The following SH3D21 variants were observed in gnomAD, a reference collection of about 807,000 sequenced individuals.
The protein encoded by SH3D21 is manchette microtubule inner protein 1.
A neutral mutation model predicts 82.1 loss-of-function variants in SH3D21; 83 were observed. The observed-to-expected ratio is 1.01, with a 90% CI of 0.85 to 1.21. SH3D21 has a LOEUF of 1.21. SH3D21 is among the 50% of genes most tolerant of loss of function. The pLI, the probability that SH3D21 is intolerant of heterozygous loss-of-function variation, is 0.00. For missense variants in SH3D21, 980 were observed against 962.1 expected, an observed-to-expected ratio of 1.02 and a Z score of -0.25; for synonymous variants, 383 against 387.8, an observed-to-expected ratio of 0.99 and a Z score of 0.15.
rs551515201 is a variant in SH3D21 at position 36,321,034 on chromosome 1, T to G, written c.2200-22T>G. 6.2e-7 allele frequency: 1 copy of G among 1,605,114 alleles called. No homozygotes were observed. Among genetic ancestry groups the G allele is most frequent in the Admixed American group, 1.7e-5 (1 of 59,164 alleles). On this transcript the variant is annotated intron_variant, in intron 15 of 15. Coordinates refer to ENST00000453908, the MANE Select transcript of SH3D21 (RefSeq NM_001162530.2). The surrounding 1 kb of genome is among the most constrained non-coding windows in gnomAD (Gnocchi z 6.1). Reference sequence around the variant, plus strand: ...GACGGCGAGTGGCCCCCTGACAAAGTCTCCACCTCACTCCCGACCAGGTCC... The same window carrying G: ...GACGGCGAGTGGCCCCCTGACAAAGGCTCCACCTCACTCCCGACCAGGTCC...
In SH3D21 at chr1:36,320,989, G is replaced by C; in HGVS notation, c.2199+11G>C. 6.4e-7 allele frequency: 1 copy of C among 1,571,106 alleles called. No homozygotes were observed. Among genetic ancestry groups the C allele is most frequent in the East Asian group, 2.4e-5 (1 of 42,538 alleles). On this transcript the variant is annotated intron_variant, in intron 15 of 15. Coordinates refer to ENST00000453908, the MANE Select transcript of SH3D21 (RefSeq NM_001162530.2). ...CGCCGGCGGCTGGAGGTGAGGCGCGGGTCCCGGCGGGAGGGGGCTGACGGC... is the reference window on the plus strand; with the variant it reads ...CGCCGGCGGCTGGAGGTGAGGCGCGCGTCCCGGCGGGAGGGGGCTGACGGC...
chr1:36,328,389 G>A (rs1425899667), downstream of SH3D21: 3 of 345,158 alleles, frequency 8.7e-6, no homozygotes, highest in South Asian at 2.2e-5. Context: ...GAGACTCACC[G>A]GGGGCCTCCT....
At chr1:36,318,238 AG>A in intron 10 of SH3D21, among the ~76,000 whole-genome samples, 1 of 152,264 alleles carries the variant, frequency 6.6e-6, no homozygotes, top group South Asian at 2.1e-4. Flanking sequence ...CTGTGGGGAA[AG>A]GGGTAGGTTC....
chr1:36,309,933 T>C (rs761991761), intron 10 of SH3D21, among the ~76,000 whole-genome samples: 14 of 152,150 alleles, frequency 9.2e-5, no homozygotes, highest in Non-Finnish European at 2.1e-4. Context: ...TGTGTGTCTG[T>C]GGGATGTCTT....
downstream of SH3D21, chr1:36,322,984 G>A (rs1221906642): frequency 6.2e-7 from 1 of 1,605,860 alleles, no homozygotes; most frequent in Admixed American, 1.7e-5. Context: ...GGATGTGCGC[G>A]TAGGCAGCCA....
downstream of SH3D21, chr1:36,322,350 G>A (rs1646478234): frequency 3.2e-6 from 5 of 1,582,862 alleles, no homozygotes; most frequent in East Asian, 2.3e-5. Flanking sequence ...GGGCCCCAGC[G>A]TGCCTGTGCC....
downstream of SH3D21, chr1:36,328,377 G>A (rs1021108127): frequency 3.4e-5 from 12 of 348,688 alleles, no homozygotes; most frequent in Non-Finnish European, 6.8e-5. Context: ...GGAGGGAAGA[G>A]GGAGACTCAC....
In SH3D21 at chr1:36,320,966, C is replaced by G; in HGVS notation, c.2187C>G (p.Arg729=). 5 of 1,571,034 alleles carry G rather than the reference C, an allele frequency of 3.2e-6. No homozygotes were observed. The highest frequency in any genetic ancestry group is 4.3e-6 in the Non-Finnish European group (5 of 1,158,310). Reference sequence around the variant, plus strand: ...AGCTGAAGAGCGAGAAGGAGCAGCGCCGGCGGCTGGAGGTGAGGCGCGGGT... The same window carrying G: ...AGCTGAAGAGCGAGAAGGAGCAGCGGCGGCGGCTGGAGGTGAGGCGCGGGT... The part of the protein sequence containing the change: ...WEELKSEKEQ[R]RRLEVQVMQG... Residue 729 remains arginine (R), a synonymous_variant, in exon 15 of 16, where the codon CGC becomes CGG. Coordinates refer to ENST00000453908, the MANE Select transcript of SH3D21 (RefSeq NM_001162530.2).
downstream of SH3D21, among the ~76,000 whole-genome samples, chr1:36,326,356 C>T (rs1646545393): frequency 1.3e-5 from 2 of 151,946 alleles, no homozygotes; most frequent in South Asian, 2.1e-4. Context: ...CTCAGCCTCC[C>T]GAGTAGCTGG....
intron 10 of SH3D21, among the ~76,000 whole-genome samples, chr1:36,316,344 C>T (rs1167463490): frequency 2.0e-5 from 3 of 152,216 alleles, no homozygotes; most frequent in Non-Finnish European, 2.9e-5. Context: ...AAGCAATTCT[C>T]GTGCTTCAGC....
Position 36,317,633 on chromosome 1 carries a change from G to T in SH3D21, c.770-1438G>T, listed in dbSNP as rs545496561. On this transcript the variant is annotated intron_variant, in intron 10 of 15. Coordinates refer to ENST00000453908, the MANE Select transcript of SH3D21 (RefSeq NM_001162530.2). ...GCTGGAGTCCAGTGGCGCGATCTTGGCTCACTGTAACCTCTGCCCTCCCAG... is the reference window on the plus strand; with the variant it reads ...GCTGGAGTCCAGTGGCGCGATCTTGTCTCACTGTAACCTCTGCCCTCCCAG... 3.9e-5 allele frequency among the ~76,000 whole-genome samples: 6 copies of T among 152,238 alleles called. No homozygotes were observed. The South Asian group carries it at 1.2e-3, about 32-fold the overall frequency.
In SH3D21 at chr1:36,320,942, G is replaced by A. The variant is rs1231435302; in HGVS notation, c.2163G>A (p.Glu721=). 3 of 1,568,238 alleles carry A rather than the reference G, an allele frequency of 1.9e-6. No individual in the cohort carries two copies. Among genetic ancestry groups the A allele is most frequent in the Admixed American group, 1.9e-5 (1 of 52,148 alleles). ...LERKLTDIWE[E]LKSEKEQRRR... ...GGAAGCTGACCGACATCTGGGAGGA[G>A]CTGAAGAGCGAGAAGGAGCAGCGCC... is the stretch of plus-strand genomic sequence containing the variant. Residue 721 remains glutamate, a synonymous_variant, in exon 15 of 16, where the codon GAG becomes GAA. Transcript: ENST00000453908.
chr1:36,326,263 C>T (rs1266923968), downstream of SH3D21, among the ~76,000 whole-genome samples: 2 of 145,918 alleles, frequency 1.4e-5, no homozygotes, highest in Non-Finnish European at 1.5e-5. Context: ...CGGAGTTTCA[C>T]TCTTGTTGCC....
At chr1:36,312,258 C>T (rs2124680898) in intron 10 of SH3D21, among the ~76,000 whole-genome samples, 1 of 150,922 alleles carries the variant, frequency 6.6e-6, no homozygotes, top group African/African-American at 2.4e-5. Flanking sequence ...CTCCTGACCT[C>T]ATGATCCGTC....
chr1:36,318,514 T>C (rs1207047844), intron 10 of SH3D21, among the ~76,000 whole-genome samples: 1 of 152,174 alleles, frequency 6.6e-6, no homozygotes, highest in Non-Finnish European at 1.5e-5. Context: ...CTCACACCTG[T>C]AATGCCAGCA....
At chr1:36,322,821 C>T, downstream of SH3D21, 2 of 1,487,562 alleles carry the variant, frequency 1.3e-6, no homozygotes, top group Non-Finnish European at 1.8e-6. Context: ...GGGGCGAGGC[C>T]TGTAACCCCT....
In SH3D21 at chr1:36,310,653, ATG is replaced by A. The variant is rs150711947; in HGVS notation, c.769+1065_769+1066del. Reference sequence around the variant, plus strand: ...ATTAACACCCACGAACACCCATGGTATGTCACCTAAACCTAAGGACTAGAACA... The same window carrying A: ...ATTAACACCCACGAACACCCATGGTATCACCTAAACCTAAGGACTAGAACA... On this transcript the variant is annotated intron_variant, in intron 10 of 15. Transcript: ENST00000453908. Among the ~76,000 whole-genome samples the A allele has an allele frequency of 9.5e-3, 1,435 of 151,732 alleles. 10 individuals are homozygous for A. The highest frequency in any genetic ancestry group is 0.016 in the Non-Finnish European group (1,084 of 67,914).
chr1:36,322,974 G>A, downstream of SH3D21: 1 of 1,606,780 alleles, frequency 6.2e-7, no homozygotes, highest in Non-Finnish European at 8.5e-7. Flanking sequence ...CCCTCACCGC[G>A]GATGTGCGCG....
downstream of SH3D21, chr1:36,322,017 G>A: frequency 7.9e-7 from 1 of 1,272,126 alleles, no homozygotes; most frequent in Non-Finnish European, 9.9e-7. Context: ...GAGTAACAGA[G>A]GGAGAGACTG....
Sources: gnomAD v4.1 joint callset for allele counts (sites outside exome capture counted in the v4.1 genomes callset) on GRCh38, gnomAD v4.1.1 for gene constraint, Gnocchi (gnomAD v3.1) non-coding constraint, MANE v1.5 for transcripts, NCBI Gene and HGNC (gene_info 2026-07-23, HGNC 2026-07-21) for gene names.